SIGLEC12: variants seen among roughly 807,000 people sequenced by gnomAD.
The protein encoded by SIGLEC12 is sialic acid-binding Ig-like lectin 12.
Under a neutral mutation model 54.1 loss-of-function variants are expected in SIGLEC12, and 43 were observed. The ratio of observed to expected loss-of-function variants is 0.80; its 90% CI spans 0.62 to 1.03. The LOEUF (loss-of-function observed/expected upper bound fraction) is 1.03, where lower values mean the gene tolerates loss of function less well. Among genes scored for constraint, SIGLEC12 ranks in the 50% least tolerant of loss-of-function variants. SIGLEC12 has a pLI of 0.00. For synonymous variants in SIGLEC12, 357 were observed against 307.6 expected, an observed-to-expected ratio of 1.16 and a Z score of -1.68; for missense variants, 802 against 735.2, an observed-to-expected ratio of 1.09 and a Z score of -1.05.
rs76945124 is a variant in SIGLEC12 at position 51,501,584 on chromosome 19, T to C, written c.150A>G (p.Gln50=). The part of the protein sequence containing the change: ...VSVLCSFSYP[Q]NGWTASDPVH... ...CTGGATCGGAGGCAGTCCAGCCATTTTGGGGGTAGGAGAAGGAGCAAAGCA... is the reference window on the plus strand; with the variant it reads ...CTGGATCGGAGGCAGTCCAGCCATTCTGGGGGTAGGAGAAGGAGCAAAGCA... The change falls in exon 1 of 8, where the codon CAA becomes CAG. Residue 50 remains glutamine, a synonymous_variant. Coordinates refer to ENST00000291707, the MANE Select transcript of SIGLEC12 (RefSeq NM_053003.4). 2.8e-3 allele frequency: 4,450 copies of C among 1,613,860 alleles called. 95 individuals are homozygous for C. In the African/African-American group the frequency reaches 0.052, roughly 19 times the overall value.
Position 51,501,381 on chromosome 19 carries a change from G to T in SIGLEC12, c.353C>A (p.Thr118Lys), listed in dbSNP as rs1290785489. 1 of 1,614,190 alleles carries T rather than the reference G, an allele frequency of 6.2e-7. No individual in the cohort carries two copies. The highest frequency in any genetic ancestry group is 1.7e-5 in the Admixed American group (1 of 60,032). Residue 118 changes from threonine to lysine, a missense_variant, in exon 1 of 8, where the codon ACA (threonine) becomes AAA (lysine). Thr to Lys is a moderately conservative substitution (Grantham distance 78). Transcript: ENST00000291707. ...TCCTCTCTCTACACAAAAGACGTATGTCCCTGCATCACTCTCTCTGGTGTC... is the reference window on the plus strand; with the variant it reads ...TCCTCTCTCTACACAAAAGACGTATTTCCCTGCATCACTCTCTCTGGTGTC... ...IRDTRESDAG[T>K]YVFCVERGNM... is the part of the protein sequence containing the mutation.
rs74714192 is a variant in SIGLEC12, at chr19:51,497,473, G to A, written c.1406-28C>T. On this transcript the variant is annotated intron_variant, in intron 5 of 7. Coordinates refer to ENST00000291707, the MANE Select transcript of SIGLEC12 (RefSeq NM_053003.4). ...GAGGATGGATTGGAGTTGTTTTGGG[G>A]TTTACCCTCCAAGAACTGGGCCTCT... is the stretch of plus-strand genomic sequence containing the variant. 111 of 1,568,226 alleles carry A rather than the reference G, an allele frequency of 7.1e-5. No homozygotes were observed. In the Admixed American group the frequency reaches 1.9e-3, roughly 26 times the overall value.
chr19:51,497,349 A>G lies in SIGLEC12; in HGVS notation c.1502T>C (p.Val501Ala). ...VFLYFCIIFV[V>A]VRSCRKKSAR... Reference sequence around the variant, plus strand: ...CTTCCTCCCCAGGGTCAATGCTCACACAACGAAGATGATGCAGAAGTACAG... The same window carrying G: ...CTTCCTCCCCAGGGTCAATGCTCACGCAACGAAGATGATGCAGAAGTACAG... Residue 501 changes from valine to alanine, a missense_variant and splice_region_variant, in exon 6 of 8, where the codon GTA becomes GCA. By Grantham distance (64) the Val-to-Ala change is moderately conservative. Transcript: ENST00000291707. 1.2e-6 allele frequency: 2 copies of G among 1,612,686 alleles called. No homozygotes were observed. The highest frequency in any genetic ancestry group is 1.7e-6 in the Non-Finnish European group (2 of 1,178,946).
intron 7 of SIGLEC12, among the ~76,000 whole-genome samples, chr19:51,496,120 A>G (rs1299715872): frequency 6.6e-6 from 1 of 152,222 alleles, no homozygotes; most frequent in Admixed American, 6.5e-5. Flanking sequence ...AAATCTCAGC[A>G]ATGAAGATGA....
rs1990255789 is a variant in SIGLEC12, at chr19:51,496,925, A to G, written c.1554T>C (p.Asp518=). 7.4e-6 allele frequency: 12 copies of G among 1,613,702 alleles called. No individual in the cohort carries two copies. Among genetic ancestry groups the G allele is most frequent in the Admixed American group, 1.7e-5 (1 of 60,008 alleles). The change falls in exon 7 of 8, where the codon GAT becomes GAC. Residue 518 remains aspartate, a synonymous_variant. Coordinates refer to ENST00000291707, the MANE Select transcript of SIGLEC12 (RefSeq NM_053003.4). ...CAGCGTTTGCGTCCTCCATGCCTGT[A>G]TCCCCCACGCCCACTGCTGGCCTTG... is the stretch of plus-strand genomic sequence containing the variant. The part of the protein sequence containing the change: ...KSARPAVGVG[D]TGMEDANAVR...
intron 7 of SIGLEC12, among the ~76,000 whole-genome samples, chr19:51,493,657 C>T (rs778849545): frequency 1.3e-5 from 2 of 152,170 alleles, no homozygotes; most frequent in South Asian, 4.1e-4. Context: ...TGCTCCCTCT[C>T]TGTCATTCAC....
intron 7 of SIGLEC12, among the ~76,000 whole-genome samples, chr19:51,495,141 GTGGA>G (rs1321130116): frequency 3.0e-4 from 40 of 132,502 alleles, no homozygotes; most frequent in Non-Finnish European, 1.8e-4. Context: ...GGATGGATGG[GTGGA>G]TGGATGGATG....
intron 7 of SIGLEC12, among the ~76,000 whole-genome samples, chr19:51,495,358 C>CGGGT (rs1328895771): frequency 4.3e-4 from 11 of 25,724 alleles, no homozygotes; most frequent in Non-Finnish European, 6.5e-4. Context: ...GATGGACAGA[C>CGGGT]GGGTGGGTGG....
intron 7 of SIGLEC12, among the ~76,000 whole-genome samples, chr19:51,492,496 C>T (rs1990131901): frequency 6.6e-6 from 1 of 152,170 alleles, no homozygotes; most frequent in Non-Finnish European, 1.5e-5. Flanking sequence ...TCCAAAATGT[C>T]CATGCCCTAA....
rs181688375 is a variant in SIGLEC12, at chr19:51,492,654, G to T, written c.1600-825C>A. Reference sequence around the variant, plus strand: ...CAGGGGTCCTTACAAGTAGTGAAAGGAGGAGGGCATAGATAGATTGGAAGA... The same window carrying T: ...CAGGGGTCCTTACAAGTAGTGAAAGTAGGAGGGCATAGATAGATTGGAAGA... On this transcript the variant is annotated intron_variant, in intron 7 of 7. Coordinates refer to ENST00000291707, the MANE Select transcript of SIGLEC12 (RefSeq NM_053003.4). Among the ~76,000 whole-genome samples, 312 of 152,286 alleles carry T rather than the reference G, an allele frequency of 2.0e-3. 1 individual carries two copies. The highest frequency in any genetic ancestry group is 6.8e-3 in the African/African-American group (283 of 41,548).
At chr19:51,495,155 G>GGACT (rs2122208256) in intron 7 of SIGLEC12, among the ~76,000 whole-genome samples, 1 of 148,692 alleles carries the variant, frequency 6.7e-6, no homozygotes, top group South Asian at 2.2e-4. Flanking sequence ...ATGGATGGAT[G>GGACT]GACGGGTGGG....
At chr19:51,500,460 C>A in intron 1 of SIGLEC12, 160 bp from the exon 2 acceptor site, 3 of 1,350,338 alleles carry the variant, frequency 2.2e-6, no homozygotes, top group Non-Finnish European at 3.1e-6. Context: ...CCACAGGGGG[C>A]TGGAGAGGAG....
chr19:51,499,957 C>G lies in SIGLEC12; in HGVS notation c.771G>C (p.Trp257Cys). 6.2e-7 allele frequency: 1 copy of G among 1,613,798 alleles called. No individual in the cohort carries two copies. Among genetic ancestry groups the G allele is most frequent in the Non-Finnish European group, 8.5e-7 (1 of 1,179,830 alleles). Reference protein sequence around the residue: ...YFQVERGSRKWNYIYDKLSVH... With the variant: ...YFQVERGSRKCNYIYDKLSVH... The stretch of plus-strand genomic sequence containing the variant: ...CAGAGAGCTTGTCATATATGTAGTT[C>G]CATTTCCTGCTTCCTCTCTCCACCT... Residue 257 changes from tryptophan (W) to cysteine (C), a missense_variant, in exon 2 of 8, where the codon TGG becomes TGC. By Grantham distance (215) the Trp-to-Cys change is radical. Transcript: ENST00000291707.
In SIGLEC12 at chr19:51,501,716, T is replaced by C; in HGVS notation, c.18A>G (p.Leu6=). MLLLL[L]LLPPLLCGRV... Reference sequence around the variant, plus strand: ...TCCCACAGAGCAGGGGTGGCAGCAGTAGCAGCAGCAGTAGCATGTGTCGGG... The same window carrying C: ...TCCCACAGAGCAGGGGTGGCAGCAGCAGCAGCAGCAGTAGCATGTGTCGGG... Residue 6 remains leucine, a synonymous_variant, in exon 1 of 8, where the codon CTA becomes CTG. Transcript: ENST00000291707. The C allele has an allele frequency of 6.2e-7, 1 of 1,609,250 alleles. No individual in the cohort carries two copies. Among genetic ancestry groups the C allele is most frequent in the Non-Finnish European group, 8.5e-7 (1 of 1,176,616 alleles).
intron 5 of SIGLEC12, 23 bp downstream of exon 5, chr19:51,497,995 C>T: frequency 1.9e-6 from 3 of 1,613,420 alleles, no homozygotes; most frequent in South Asian, 1.1e-5. Context: ...GTGTTCTCCT[C>T]CTCCAGACCC....
Position 51,500,263 on chromosome 19 carries a change from C to T in SIGLEC12, c.465G>A (p.Val155=). The change falls in exon 2 of 8, where the codon GTG becomes GTA. Residue 155 remains valine, a synonymous_variant. Coordinates refer to ENST00000291707, the MANE Select transcript of SIGLEC12 (RefSeq NM_053003.4). Reference sequence around the variant, plus strand: ...CCTCCTGCACAGTCACCGACTCTGGCACCTCCAGCCTGTATCTTGACAGTA... The same window carrying T: ...CCTCCTGCACAGTCACCGACTCTGGTACCTCCAGCCTGTATCTTGACAGTA... The part of the protein sequence containing the change: ...QDLLSRYRLE[V]PESVTVQEGL... The T allele has an allele frequency of 6.2e-7, 1 of 1,614,204 alleles. No individual in the cohort carries two copies. The highest frequency in any genetic ancestry group is 1.3e-5 in the African/African-American group (1 of 75,042).
rs371016684 is a variant in SIGLEC12 at position 51,501,540 on chromosome 19, CG to C, written c.193del (p.Arg65GlyfsTer6). 1 of 1,613,404 alleles carries C rather than the reference CG, an allele frequency of 6.2e-7. No homozygotes were observed. Among genetic ancestry groups the C allele is most frequent in the East Asian group, 2.2e-5 (1 of 44,868 alleles). ...GTTCCGGCTTACATGGTCCCCTGCC[CG>C]GAACCAGTAGCCATGAACTGGATCG... The part of the protein sequence containing the change: ...ASDPVHGYWF[R>X]AGDHVSRNIP... On this transcript the variant is annotated frameshift_variant, in exon 1 of 8. Transcript: ENST00000291707. LOFTEE classifies it high-confidence loss of function.
chr19:51,491,932 C>A, intron 7 of SIGLEC12, 103 bp from the exon 8 acceptor site: 1 of 863,048 alleles, frequency 1.2e-6, no homozygotes, highest in Non-Finnish European at 1.7e-6. Context: ...CCATTCATCC[C>A]ATGTGCACTT....
rs766525501 is a variant in SIGLEC12 at position 51,491,302 on chromosome 19, C to T, written c.*339G>A. 5 of 210,670 alleles carry T rather than the reference C, an allele frequency of 2.4e-5. No individual in the cohort carries two copies. Among genetic ancestry groups the T allele is most frequent in the Non-Finnish European group, 4.8e-5 (5 of 105,262 alleles). The allele number at this position is 210,670 out of a possible 1,614,324, so 13.1% of individuals were successfully genotyped here. A position where few individuals can be genotyped will look rare whatever the true frequency, so the allele number is the denominator to read the frequency against. On this transcript the variant is annotated 3_prime_UTR_variant, in exon 8 of 8. Transcript: ENST00000291707. ...CATTATTCTGTTATTTGGAACAACA[C>T]GGATGAACCTAGAGAACATTATGTT...
Sources: allele counts gnomAD v4.1 joint callset (sites outside exome capture counted in the v4.1 genomes callset), GRCh38; gene constraint gnomAD v4.1.1; transcripts MANE v1.5; gene names NCBI Gene and HGNC (gene_info 2026-07-23, HGNC 2026-07-21).